NACC2: variants seen among roughly 807,000 people sequenced by gnomAD.
NACC2 encodes nucleus accumbens-associated protein 2.
In NACC2, 8 loss-of-function variants were observed where a neutral mutation model predicts 25.1. The ratio of observed to expected loss-of-function variants is 0.32; its 90% CI spans 0.19 to 0.57. The LOEUF (loss-of-function observed/expected upper bound fraction) is 0.57, where lower values mean the gene tolerates loss of function less well. Among genes scored for constraint, NACC2 ranks in the 20% least tolerant of loss-of-function variants. The pLI, the probability that NACC2 is intolerant of heterozygous loss-of-function variation, is 0.89. For missense variants in NACC2, 644 were observed against 650.2 expected, an observed-to-expected ratio of 0.99 and a Z score of 0.10; for synonymous variants, 435 against 294.7, an observed-to-expected ratio of 1.48 and a Z score of -4.88.
intron 2 of NACC2, among the ~76,000 whole-genome samples, chr9:136,029,898 C>T (rs1395547010): frequency 6.6e-6 from 1 of 152,204 alleles, no homozygotes; most frequent in Non-Finnish European, 1.5e-5. Context: ...TAGTGCAAAC[C>T]TGGCACAGCC....
chr9:136,032,985 T>C (rs995147127), intron 2 of NACC2, among the ~76,000 whole-genome samples: 1 of 151,672 alleles, frequency 6.6e-6, no homozygotes, highest in African/African-American at 2.4e-5. Flanking sequence ...ACCACTGAAC[T>C]CCAGCCTGGG....
rs529412272 is a variant in NACC2, at chr9:136,084,386, C to T, written c.-60+10803G>A. On this transcript the variant is annotated intron_variant, in intron 1 of 5. Transcript: ENST00000277554. This position sits in a 1 kb window ranked among gnomAD's most constrained non-coding sequence, Gnocchi z 5.1. Reference sequence around the variant, plus strand: ...CTGCTTCCGAGACTCATCCATCACACAGACACCTCCTACGCAATGTCCGGT... The same window carrying T: ...CTGCTTCCGAGACTCATCCATCACATAGACACCTCCTACGCAATGTCCGGT... Among the ~76,000 whole-genome samples, 28 of 152,280 alleles carry T rather than the reference C, an allele frequency of 1.8e-4. 1 individual carries two copies. Among genetic ancestry groups the T allele is most frequent in the African/African-American group, 6.5e-4 (27 of 41,546 alleles).
Position 136,013,412 on chromosome 9 carries a change from C to G in NACC2, c.1158-116G>C. ...CCACTTGGCCTCACCCTTGGCTGGT[C>G]TGCGTGTGTCCCAGTGGCAGGAGCC... is the stretch of plus-strand genomic sequence containing the variant. On this transcript the variant is annotated intron_variant, in intron 4 of 5. Coordinates refer to ENST00000277554, the MANE Select transcript of NACC2 (RefSeq NM_144653.5). The surrounding 1 kb of genome is among the most constrained non-coding windows in gnomAD (Gnocchi z 6.6). The G allele has an allele frequency of 1.2e-6, 1 of 867,970 alleles. No individual in the cohort carries two copies. The highest frequency in any genetic ancestry group is 1.8e-6 in the Non-Finnish European group (1 of 553,914). 53.8% of individuals were successfully genotyped at this position (867,970 alleles called of 1,614,324 possible).
Position 136,048,322 on chromosome 9 carries a change from C to T in NACC2, c.886+1314G>A, listed in dbSNP as rs1218901825. 7.9e-5 allele frequency among the ~76,000 whole-genome samples: 12 copies of T among 152,272 alleles called. No individual in the cohort carries two copies. The South Asian group carries it at 1.9e-3, about 24-fold the overall frequency. ...GAAAGCGCACATGGGGCGGATTCCC[C>T]GGAGGCCTCAGCCAGCCGGGTCCAC... On this transcript the variant is annotated intron_variant, in intron 2 of 5. Transcript: ENST00000277554.
chr9:136,081,923 C>T (rs1344023885), intron 1 of NACC2, among the ~76,000 whole-genome samples: 1 of 152,096 alleles, frequency 6.6e-6, no homozygotes, highest in African/African-American at 2.4e-5. Context: ...CCACCTGCAG[C>T]AGCACCCCGA....
At chr9:136,012,126 C>T (rs925409017) in intron 5 of NACC2, 102 bp from the exon 6 acceptor site, 49 of 1,381,872 alleles carry the variant, frequency 3.5e-5, no homozygotes, top group African/African-American at 8.9e-5. Context: ...CCTCCCCGGC[C>T]GCTCCTGGGG....
intron 2 of NACC2, among the ~76,000 whole-genome samples, chr9:136,041,001 A>AAAGGAAGGAAAGAAAGGAAGGAAG (rs1840618628): frequency 7.2e-6 from 1 of 139,192 alleles, no homozygotes; most frequent in African/African-American, 2.8e-5. Flanking sequence ...AAGGAAGGAA[A>AAAGGAAGGAAAGAAAGGAAGGAAG]GAAAGGAAGG....
chr9:136,033,640 C>T (rs1172042268), intron 2 of NACC2, among the ~76,000 whole-genome samples: 1 of 115,178 alleles, frequency 8.7e-6, no homozygotes, highest in African/African-American at 3.3e-5. Flanking sequence ...CAGAGCAAGA[C>T]TCTGTCTCAA....
chr9:136,013,356 G>C lies in NACC2; in HGVS notation c.1158-60C>G, dbSNP rs565265483. 2.0e-5 allele frequency: 30 copies of C among 1,502,912 alleles called. No individual in the cohort carries two copies. In the East Asian group the frequency reaches 6.8e-4, roughly 34 times the overall value. 93.1% of individuals were successfully genotyped at this position (1,502,912 alleles called of 1,614,324 possible). A position where few individuals can be genotyped will look rare whatever the true frequency, so the allele number is the denominator to read the frequency against. Reference sequence around the variant, plus strand: ...GATGATGGGGAGGGTACCTGGAGGCGACCCGCCCGCACGAATGCCCTGCTG... The same window carrying C: ...GATGATGGGGAGGGTACCTGGAGGCCACCCGCCCGCACGAATGCCCTGCTG... On this transcript the variant is annotated intron_variant, in intron 4 of 5. Transcript: ENST00000277554. The surrounding 1 kb of genome is among the most constrained non-coding windows in gnomAD (Gnocchi z 6.6).
intron 1 of NACC2, among the ~76,000 whole-genome samples, chr9:136,052,596 C>T (rs1308194247): frequency 2.0e-5 from 3 of 152,142 alleles, no homozygotes; most frequent in Non-Finnish European, 2.9e-5. Flanking sequence ...TCTGCCCAGG[C>T]GGCAGGCCCG....
At chr9:136,025,718 G>C (rs907420180) in intron 2 of NACC2, among the ~76,000 whole-genome samples, 4 of 150,938 alleles carry the variant, frequency 2.7e-5, no homozygotes, top group Non-Finnish European at 5.9e-5. Context: ...GTTCGAGACA[G>C]CCTGGCCAAA....
chr9:136,025,711 C>T (rs1469059261), intron 2 of NACC2, among the ~76,000 whole-genome samples: 1 of 151,626 alleles, frequency 6.6e-6, no homozygotes, highest in Non-Finnish European at 1.5e-5. Flanking sequence ...GTTAGGAGTT[C>T]GAGACAGCCT....
rs571080885 is a variant in NACC2 at position 136,019,727 on chromosome 9, G to C, written c.887-3298C>G. Among the ~76,000 whole-genome samples, 4 of 152,262 alleles carry C rather than the reference G, an allele frequency of 2.6e-5. No individual in the cohort carries two copies. In the East Asian group the frequency reaches 7.7e-4, roughly 29 times the overall value. On this transcript the variant is annotated intron_variant, in intron 2 of 5. Coordinates refer to ENST00000277554, the MANE Select transcript of NACC2 (RefSeq NM_144653.5). The surrounding 1 kb of genome is among the most constrained non-coding windows in gnomAD (Gnocchi z 5.2). ...GGGCAGCCTCCCTGGACCACACGGG[G>C]CGAAGCAAACACAAGGACAAATGCT...
intron 1 of NACC2, among the ~76,000 whole-genome samples, chr9:136,053,846 G>A (rs1840885141): frequency 1.3e-5 from 2 of 152,350 alleles, no homozygotes; most frequent in African/African-American, 4.8e-5. Flanking sequence ...GTTCCTGGGG[G>A]TCCCAAGTAC....
At chr9:136,043,054 CAG>C (rs1216572687) in intron 2 of NACC2, among the ~76,000 whole-genome samples, 6 of 152,024 alleles carry the variant, frequency 3.9e-5, no homozygotes, top group Non-Finnish European at 8.8e-5. Flanking sequence ...ACACAGAACA[CAG>C]AATTTTAGGT....
chr9:136,031,324 CTCAT>C (rs140651085), intron 2 of NACC2, among the ~76,000 whole-genome samples: 1,932 of 150,696 alleles, frequency 0.013, 62 homozygotes, highest in Admixed American at 0.058. Context: ...ACTCCACAGC[CTCAT>C]TCATTCATTC....
At chr9:136,080,736 G>C (rs114018130) in intron 1 of NACC2, among the ~76,000 whole-genome samples, 3,412 of 152,306 alleles carry the variant, frequency 0.022, 116 homozygotes, top group African/African-American at 0.077. Flanking sequence ...CTCCTCTCCA[G>C]ACACGTGGAG....
chr9:136,029,884 C>T (rs1448716533), intron 2 of NACC2, among the ~76,000 whole-genome samples: 1 of 152,144 alleles, frequency 6.6e-6, no homozygotes, highest in African/African-American at 2.4e-5. Context: ...GGGATCCGGG[C>T]CGGTAGTGCA....
intron 1 of NACC2, among the ~76,000 whole-genome samples, chr9:136,064,155 G>A (rs1841051303): frequency 6.6e-6 from 1 of 151,796 alleles, no homozygotes; most frequent in African/African-American, 2.4e-5. Context: ...TGGGCGTTGT[G>A]TTGTGTACCT....
Sources: allele counts gnomAD v4.1 joint callset (sites outside exome capture counted in the v4.1 genomes callset), GRCh38; gene constraint gnomAD v4.1.1; non-coding constraint Gnocchi (gnomAD v3.1); transcripts MANE v1.5; gene names NCBI Gene and HGNC (gene_info 2026-07-23, HGNC 2026-07-21).